ST6GAL1: variants seen among roughly 807,000 people sequenced by gnomAD.
ST6GAL1 encodes ST6 beta-galactoside alpha-2,6-sialyltransferase 1, also known as beta-galactoside alpha-2,6-sialyltransferase 1.
Under a neutral mutation model 38.0 loss-of-function variants are expected in ST6GAL1, and 20 were observed. The ratio of observed to expected loss-of-function variants is 0.53; its 90% CI spans 0.37 to 0.77. The LOEUF is 0.77. ST6GAL1 is among the 30% of genes least tolerant of loss of function. ST6GAL1 has a pLI of 0.00. For missense variants in ST6GAL1, 432 were observed against 496.4 expected, an observed-to-expected ratio of 0.87 and a Z score of 1.23; for synonymous variants, 196 against 188.2, an observed-to-expected ratio of 1.04 and a Z score of -0.34.
At chr3:186,966,920 C>A (rs1208384538) in intron 2 of ST6GAL1, among the ~76,000 whole-genome samples, 1 of 152,192 alleles carries the variant, frequency 6.6e-6, no homozygotes. Flanking sequence ...GGATTTAATT[C>A]AGTTCCACAG....
intron 2 of ST6GAL1, among the ~76,000 whole-genome samples, chr3:187,021,138 A>G (rs1481419009): frequency 3.3e-5 from 5 of 151,714 alleles, no homozygotes; most frequent in Non-Finnish European, 7.4e-5. Context: ...TAATTTTTGT[A>G]TTTTTAGTAG....
At chr3:186,973,505 G>A (rs1348142860) in intron 2 of ST6GAL1, among the ~76,000 whole-genome samples, 1 of 152,196 alleles carries the variant, frequency 6.6e-6, no homozygotes, top group Non-Finnish European at 1.5e-5. Flanking sequence ...TGACTGCATT[G>A]TAGAGACTCC....
intron 2 of ST6GAL1, among the ~76,000 whole-genome samples, chr3:186,980,888 T>A (rs1022196821): frequency 1.3e-5 from 2 of 152,212 alleles, no homozygotes; most frequent in South Asian, 2.1e-4. Context: ...TAGGTCCCTG[T>A]CACTAGTGGT....
At chr3:187,071,761 T>C (rs940315734) in intron 5 of ST6GAL1, among the ~76,000 whole-genome samples, 2 of 139,634 alleles carry the variant, frequency 1.4e-5, no homozygotes, top group Non-Finnish European at 3.0e-5. Context: ...GTCGCCTTTT[T>C]TTGAGACTCC....
intron 3 of ST6GAL1, among the ~76,000 whole-genome samples, chr3:187,039,671 GAA>G (rs1350640169): frequency 6.6e-6 from 1 of 152,244 alleles, no homozygotes; most frequent in African/African-American, 2.4e-5. Context: ...CATTTGTAGA[GAA>G]AAGTTTGCTA....
intron 4 of ST6GAL1, among the ~76,000 whole-genome samples, chr3:187,049,759 A>G (rs993451936): frequency 1.3e-5 from 2 of 152,230 alleles, no homozygotes; most frequent in African/African-American, 4.8e-5. Context: ...ATTCTCACCA[A>G]TAATTTATTC....
chr3:187,030,478 G>T (rs543203856), intron 2 of ST6GAL1, among the ~76,000 whole-genome samples: 18 of 152,226 alleles, frequency 1.2e-4, no homozygotes, highest in African/African-American at 4.1e-4. Flanking sequence ...CTGTTGTCCA[G>T]GCTGGAGTGC....
intron 2 of ST6GAL1, among the ~76,000 whole-genome samples, chr3:187,038,043 T>G (rs919688762): frequency 6.6e-6 from 1 of 152,048 alleles, no homozygotes; most frequent in Non-Finnish European, 1.5e-5. Flanking sequence ...AATAAATAAT[T>G]TTTTGAAAAT....
At chr3:187,063,854 T>C (rs755214525) in intron 5 of ST6GAL1, among the ~76,000 whole-genome samples, 7 of 152,234 alleles carry the variant, frequency 4.6e-5, no homozygotes, top group Non-Finnish European at 7.3e-5. Context: ...ACTTTACCTT[T>C]CTGAGCCTCA....
At chr3:187,029,400 A>G (rs1440913861) in intron 2 of ST6GAL1, among the ~76,000 whole-genome samples, 1 of 152,232 alleles carries the variant, frequency 6.6e-6, no homozygotes, top group Non-Finnish European at 1.5e-5. Flanking sequence ...AGTGTTGGAC[A>G]TAGCCAGTTC....
intron 1 of ST6GAL1, chr3:186,948,593 G>A (rs1714467811): frequency 6.6e-6 from 1 of 152,668 alleles, no homozygotes; most frequent in Admixed American, 6.6e-5. Flanking sequence ...GTGGTCGTTG[G>A]AGAGAGACCC....
At chr3:187,047,514 G>T (rs1718341126) in intron 4 of ST6GAL1, among the ~76,000 whole-genome samples, 2 of 152,254 alleles carry the variant, frequency 1.3e-5, no homozygotes, top group South Asian at 4.1e-4. Flanking sequence ...GCGTGTGATT[G>T]TATAATCTGA....
At chr3:187,071,812 G>T (rs890749780) in intron 5 of ST6GAL1, among the ~76,000 whole-genome samples, 1 of 149,488 alleles carries the variant, frequency 6.7e-6, no homozygotes, top group African/African-American at 2.5e-5. Context: ...GAAAATGAGG[G>T]CCTAGTAAGA....
chr3:187,055,234 C>G (rs1293584256), intron 5 of ST6GAL1, among the ~76,000 whole-genome samples: 1 of 59,380 alleles, frequency 1.7e-5, no homozygotes, highest in African/African-American at 6.8e-5. Flanking sequence ...TTTTGTTGAT[C>G]TTTTCAAAAA....
At chr3:186,948,528 AGTGTGTGTGTGTGTGTGTGTGTGTGTGT>A (rs36234165) in intron 1 of ST6GAL1, among the ~76,000 whole-genome samples, 50 of 146,348 alleles carry the variant, frequency 3.4e-4, no homozygotes, top group African/African-American at 1.1e-3. Flanking sequence ...CAGAAACTCT[AGTGTGTGTGTGTGTGTGTGTGTGTGTGT>A]GTGTGTGTGT....
chr3:186,975,885 G>A (rs966633772), intron 2 of ST6GAL1, among the ~76,000 whole-genome samples: 2 of 152,178 alleles, frequency 1.3e-5, no homozygotes, highest in African/African-American at 4.8e-5. Flanking sequence ...GGCCCTGGGA[G>A]GAACTGGGGA....
At chr3:186,987,200 G>GAGGGAGGGAGGGAGGGAAGGA (rs1553821932) in intron 2 of ST6GAL1, among the ~76,000 whole-genome samples, 1 of 138,658 alleles carries the variant, frequency 7.2e-6, no homozygotes, top group African/African-American at 2.7e-5. Context: ...GGGAGGGAGG[G>GAGGGAGGGAGGGAGGGAAGGA]AAGGAAAGAA....
In ST6GAL1 at chr3:186,991,125, G is replaced by T. The variant is rs146099609; in HGVS notation, c.-183+27199G>T. Among the ~76,000 whole-genome samples the T allele has an allele frequency of 5.6e-3, 848 of 152,260 alleles. 15 individuals carry two copies. The highest frequency in any genetic ancestry group is 3.4e-3 in the Non-Finnish European group (233 of 68,018). On this transcript the variant is annotated intron_variant, in intron 2 of 7. Transcript: ENST00000169298. Reference sequence around the variant, plus strand: ...ATGTGGGAGAGACAGATAGCACCTGGCTAGTTGCCTTCTTTTGGACTTGCT... The same window carrying T: ...ATGTGGGAGAGACAGATAGCACCTGTCTAGTTGCCTTCTTTTGGACTTGCT...
rs1560151004 is a variant in ST6GAL1 at position 186,984,776 on chromosome 3, TTCCCTTCCTCCCTTCCTTCCTTCCTTCCA to T, written c.-183+20854_-183+20882del. Among the ~76,000 whole-genome samples the T allele has an allele frequency of 1.5e-3, 43 of 29,248 alleles. 2 individuals are homozygous for T. The highest frequency in any genetic ancestry group is 2.6e-3 in the East Asian group (2 of 770). 19.2% of individuals were successfully genotyped at this position (29,248 alleles called of 152,430 possible). ...CCTCCCTCCCTCCCTCCTTCCTTCC[TTCCCTTCCTCCCTTCCTTCCTTCCTTCCA>T]TCCTTCCTTCCTTCCTTCCTTCCCT... On this transcript the variant is annotated intron_variant, in intron 2 of 7. Coordinates refer to ENST00000169298, the MANE Select transcript of ST6GAL1 (RefSeq NM_173216.2).
Sources: allele counts gnomAD v4.1 joint callset (sites outside exome capture counted in the v4.1 genomes callset), GRCh38; gene constraint gnomAD v4.1.1; transcripts MANE v1.5; gene names NCBI Gene and HGNC (gene_info 2026-07-23, HGNC 2026-07-21).